Variants in SLC5A8 observed in about 807,000 individuals in gnomAD.
The protein encoded by SLC5A8 is sodium-coupled monocarboxylate transporter 1.
SLC5A8 carries 55 observed loss-of-function variants against 71.9 expected under a neutral mutation model. The observed-to-expected ratio is 0.77, with a 90% CI of 0.62 to 0.96. SLC5A8 has a LOEUF of 0.96. Among genes scored for constraint, SLC5A8 ranks in the 40% least tolerant of loss-of-function variants. The probability of loss-of-function intolerance (pLI) is 0.00; values close to 1 mark genes in which losing one functional copy is unlikely to be tolerated. For missense variants in SLC5A8, 701 were observed against 745.3 expected (o/e 0.94, Z 0.69); for synonymous variants, 307 against 276.1 (o/e 1.11, Z -1.11).
rs184607562 is a variant in SLC5A8, at chr12:101,209,237, G to T, written c.351+261C>A. On this transcript the variant is annotated intron_variant, in intron 1 of 14. Coordinates refer to ENST00000536262, the MANE Select transcript of SLC5A8 (RefSeq NM_145913.5). Reference sequence around the variant, plus strand: ...ACTACTGTTGCAATCCGTTCACTTTGGAAGCCTCTTTTTTTCACTAAGCCC... The same window carrying T: ...ACTACTGTTGCAATCCGTTCACTTTTGAAGCCTCTTTTTTTCACTAAGCCC... Among the ~76,000 whole-genome samples, 623 of 152,256 alleles carry T rather than the reference G, an allele frequency of 4.1e-3. 5 individuals are homozygous for T. Among genetic ancestry groups the T allele is most frequent in the African/African-American group, 0.014 (601 of 41,550 alleles).
At chr12:101,163,155 G>A (rs1212545014) in intron 12 of SLC5A8, among the ~76,000 whole-genome samples, 7 of 152,182 alleles carry the variant, frequency 4.6e-5, no homozygotes, top group Admixed American at 4.6e-4. Context: ...CTTTTTGTGG[G>A]ACCAGGCATG....
chr12:101,159,633 AAG>A (rs1245918969), intron 13 of SLC5A8, among the ~76,000 whole-genome samples: 1 of 152,206 alleles, frequency 6.6e-6, no homozygotes, highest in East Asian at 1.9e-4. Context: ...AATGAAGTTG[AAG>A]TGTTTTCTAT....
intron 14 of SLC5A8, 125 bp from the exon 15 acceptor site, chr12:101,157,526 G>GAAAT: frequency 8.5e-7 from 1 of 1,178,262 alleles, no homozygotes; most frequent in Non-Finnish European, 1.2e-6. Flanking sequence ...CTGAGGGAGA[G>GAAAT]AAATATATAA....
chr12:101,173,289 C>T (rs1047888962), intron 10 of SLC5A8, among the ~76,000 whole-genome samples: 3 of 152,204 alleles, frequency 2.0e-5, no homozygotes, highest in Non-Finnish European at 4.4e-5. Flanking sequence ...GGTTCCTGCA[C>T]CAGGTCTTTG....
intron 10 of SLC5A8, among the ~76,000 whole-genome samples, chr12:101,172,839 T>C (rs747900346): frequency 1.3e-5 from 2 of 152,132 alleles, no homozygotes; most frequent in Non-Finnish European, 1.5e-5. Flanking sequence ...GAGAGTTGGT[T>C]TGGCTTATGA....
chr12:101,208,024 T>C (rs1869745144), intron 1 of SLC5A8, among the ~76,000 whole-genome samples: 1 of 152,138 alleles, frequency 6.6e-6, no homozygotes, highest in South Asian at 2.1e-4. Context: ...GGGCCCAGTG[T>C]TACCAGCCTT....
intron 1 of SLC5A8, 30 bp downstream of exon 1, chr12:101,209,468 T>G: frequency 6.6e-7 from 1 of 1,519,566 alleles, no homozygotes; most frequent in Non-Finnish European, 8.9e-7. Context: ...CCCCGCGCCC[T>G]GCATGGTCCC....
rs1302184774 is a variant in SLC5A8 at position 101,204,521 on chromosome 12, T to C, written c.396A>G (p.Thr132=). ...RFNKCVRLCG[T]VLFIVQTILY... ...TTACTGTTTGAACAATGAAGAGGAC[T>C]GTTCCACAGAGACGAACACATTTGT... The change falls in exon 2 of 15, where the codon ACA becomes ACG. Residue 132 remains threonine (T), a synonymous_variant. Coordinates refer to ENST00000536262, the MANE Select transcript of SLC5A8 (RefSeq NM_145913.5). 4.4e-6 allele frequency: 7 copies of C among 1,599,190 alleles called. No homozygotes were observed. The highest frequency in any genetic ancestry group is 6.0e-6 in the Non-Finnish European group (7 of 1,175,882).
chr12:101,206,827 T>C (rs1869698963), intron 1 of SLC5A8, among the ~76,000 whole-genome samples: 1 of 152,142 alleles, frequency 6.6e-6, no homozygotes, highest in Admixed American at 6.5e-5. Context: ...GAAGAATTGG[T>C]GGATTAAATT....
chr12:101,157,197 C>A lies in SLC5A8; in HGVS notation c.*82G>T. 1 of 1,538,048 alleles carries A rather than the reference C, an allele frequency of 6.5e-7. No homozygotes were observed. Among genetic ancestry groups the A allele is most frequent in the Non-Finnish European group, 8.8e-7 (1 of 1,134,480 alleles). On this transcript the variant is annotated 3_prime_UTR_variant, in exon 15 of 15. Coordinates refer to ENST00000536262, the MANE Select transcript of SLC5A8 (RefSeq NM_145913.5). ...ACTCATGATACAACACACACACACA[C>A]ACAAAGAAAACCTGATCCAATTATC...
chr12:101,160,080 G>T (rs1282076858), intron 13 of SLC5A8, among the ~76,000 whole-genome samples: 1 of 152,188 alleles, frequency 6.6e-6, no homozygotes, highest in Non-Finnish European at 1.5e-5. Flanking sequence ...TACTCGGGAA[G>T]CTGAGGCAGA....
chr12:101,178,274 T>C (rs549510579), intron 10 of SLC5A8, among the ~76,000 whole-genome samples: 13 of 150,112 alleles, frequency 8.7e-5, no homozygotes, highest in African/African-American at 3.1e-4. Flanking sequence ...TTAAGCAAGA[T>C]TTTTTTTGTA....
intron 7 of SLC5A8, among the ~76,000 whole-genome samples, chr12:101,185,605 G>A (rs998779121): frequency 6.6e-6 from 1 of 152,218 alleles, no homozygotes; most frequent in African/African-American, 2.4e-5. Context: ...TTTTAAGGCA[G>A]TCTCCCTCTC....
chr12:101,157,446 C>T (rs1055079694), intron 14 of SLC5A8, 45 bp from the exon 15 acceptor site: 2 of 1,534,596 alleles, frequency 1.3e-6, no homozygotes, highest in South Asian at 2.4e-5. Flanking sequence ...GAAAAAGAAG[C>T]TCTTCATTCA....
chr12:101,180,686 C>T (rs111613165), intron 9 of SLC5A8, among the ~76,000 whole-genome samples: 1,654 of 151,896 alleles, frequency 0.011, 18 homozygotes, highest in South Asian at 0.029. Context: ...CACATCTGCC[C>T]TAATGCTAAG....
intron 1 of SLC5A8, among the ~76,000 whole-genome samples, chr12:101,208,817 A>G (rs561471662): frequency 5.9e-5 from 9 of 152,124 alleles, no homozygotes; most frequent in Non-Finnish European, 1.2e-4. Context: ...CTCTATTCTA[A>G]ATGCTACACC....
In SLC5A8 at chr12:101,156,086, T is replaced by C. The variant is rs2051658009; in HGVS notation, c.*1193A>G. The stretch of plus-strand genomic sequence containing the variant: ...AGCAAAATAAACAGCTAAGCAACTT[T>C]GAGACTGCTACTTAAAAATTTTAAA... On this transcript the variant is annotated 3_prime_UTR_variant, in exon 15 of 15. Coordinates refer to ENST00000536262, the MANE Select transcript of SLC5A8 (RefSeq NM_145913.5). The C allele has an allele frequency of 6.6e-6, 1 of 152,126 alleles. No homozygotes were observed. Among genetic ancestry groups the C allele is most frequent in the African/African-American group, 2.4e-5 (1 of 41,438 alleles). The allele number at this position is 152,126 out of a possible 1,614,324, so 9.4% of individuals were successfully genotyped here.
intron 6 of SLC5A8, among the ~76,000 whole-genome samples, chr12:101,187,726 T>C (rs560117431): frequency 2.6e-5 from 4 of 152,236 alleles, no homozygotes; most frequent in Admixed American, 6.5e-5. Context: ...AATATTTGAA[T>C]GGATGGGATT....
intron 1 of SLC5A8, among the ~76,000 whole-genome samples, chr12:101,208,244 G>C (rs1383471283): frequency 1.3e-5 from 2 of 152,150 alleles, no homozygotes; most frequent in East Asian, 1.9e-4. Flanking sequence ...GTGAATGGAA[G>C]GCAATGCTGC....
Sources: allele counts gnomAD v4.1 joint callset (sites outside exome capture counted in the v4.1 genomes callset), GRCh38; gene constraint gnomAD v4.1.1; transcripts MANE v1.5; gene names NCBI Gene and HGNC (gene_info 2026-07-23, HGNC 2026-07-21).